The following CDH19 variants were observed in gnomAD, a reference collection of about 807,000 sequenced individuals.
The protein encoded by CDH19 is cadherin 19, also known as cadherin-19.
CDH19 carries 67 observed loss-of-function variants against 64.2 expected under a neutral mutation model. The ratio of observed to expected loss-of-function variants is 1.04; its 90% CI spans 0.86 to 1.28. The LOEUF is 1.28. Ranked by LOEUF, CDH19 falls within the 50% of genes most tolerant of loss-of-function variation. The pLI is 0.00. For missense variants in CDH19, 1,030 were observed against 929.0 expected, an observed-to-expected ratio of 1.11 and a Z score of -1.41; for synonymous variants, 346 against 319.3, an observed-to-expected ratio of 1.08 and a Z score of -0.89.
chr18:66,513,347 T>G (rs551754171), intron 9 of CDH19, among the ~76,000 whole-genome samples: 1 of 151,640 alleles, frequency 6.6e-6, no homozygotes, highest in South Asian at 2.1e-4. Flanking sequence ...ATTTCAACAG[T>G]CTGCCTCCTT....
At chr18:66,570,391 A>T (rs902659189) in intron 2 of CDH19, among the ~76,000 whole-genome samples, 1 of 151,730 alleles carries the variant, frequency 6.6e-6, no homozygotes, top group Admixed American at 6.6e-5. Context: ...ACACATTTCA[A>T]TCAAATGGCC....
rs2144357921 is a variant in CDH19 at position 66,514,357 on chromosome 18, AT to A, written c.1459-2673del. On this transcript the variant is annotated intron_variant, in intron 9 of 11. Coordinates refer to ENST00000262150, the MANE Select transcript of CDH19 (RefSeq NM_021153.4). ...AGTTAGTGACAGAGAAATAAGTAAT[AT>A]AATTTTGTAGAATAAGGACCAAAAA... is the stretch of plus-strand genomic sequence containing the variant. Among the ~76,000 whole-genome samples the A allele has an allele frequency of 2.0e-5, 3 of 151,712 alleles. No homozygotes were observed. The South Asian group carries it at 6.2e-4, about 31-fold the overall frequency.
intron 1 of CDH19, among the ~76,000 whole-genome samples, chr18:66,590,254 T>C (rs527516783): frequency 6.6e-6 from 1 of 152,068 alleles, no homozygotes; most frequent in South Asian, 2.1e-4. Context: ...CATCATCTTG[T>C]CAACCATACT....
intron 1 of CDH19, among the ~76,000 whole-genome samples, chr18:66,587,238 TG>T (rs1407983828): frequency 3.9e-5 from 6 of 152,146 alleles, no homozygotes; most frequent in Admixed American, 3.9e-4. Flanking sequence ...AAATTGCCTG[TG>T]TTAGGAGTGT....
intron 9 of CDH19, among the ~76,000 whole-genome samples, chr18:66,524,294 T>G (rs1171140264): frequency 1.3e-5 from 2 of 152,032 alleles, no homozygotes; most frequent in African/African-American, 4.8e-5. Context: ...TGAAGAAGCC[T>G]GGTCCTTTTT....
chr18:66,564,313 C>T (rs1365165286), intron 3 of CDH19, among the ~76,000 whole-genome samples: 1 of 151,658 alleles, frequency 6.6e-6, no homozygotes. Context: ...ATCTGAAATG[C>T]CAAAATAAGC....
intron 1 of CDH19, among the ~76,000 whole-genome samples, chr18:66,599,039 G>T (rs899256122): frequency 1.3e-3 from 195 of 151,860 alleles, no homozygotes; most frequent in African/African-American, 4.5e-3. Flanking sequence ...TTTCATAAAG[G>T]ATATAATGTA....
chr18:66,544,715 C>T lies in CDH19; in HGVS notation c.960+4G>A. The T allele has an allele frequency of 6.3e-7, 1 of 1,583,362 alleles. No individual in the cohort carries two copies. The highest frequency in any genetic ancestry group is 8.6e-7 in the Non-Finnish European group (1 of 1,159,890). ...TGCAAGGCAAATAATTTTAACATGTCTACCTTTTTTAATATAACTATTCCT... is the reference window on the plus strand; with the variant it reads ...TGCAAGGCAAATAATTTTAACATGTTTACCTTTTTTAATATAACTATTCCT... On this transcript the variant is annotated splice_donor_region_variant and intron_variant, in intron 6 of 11. Transcript: ENST00000262150.
rs1456817924 is a variant in CDH19 at position 66,544,758 on chromosome 18, A to G, written c.921T>C (p.Thr307=). 1.2e-6 allele frequency: 2 copies of G among 1,611,020 alleles called. No homozygotes were observed. The highest frequency in any genetic ancestry group is 1.7e-6 in the Non-Finnish European group (2 of 1,177,994). The change falls in exon 6 of 12, where the codon ACT becomes ACC. Residue 307 remains threonine, a synonymous_variant. Coordinates refer to ENST00000262150, the MANE Select transcript of CDH19 (RefSeq NM_021153.4). ...CTATTCCTTCTTGAGTTTCATGATTAGTAATAATGTCAAATGTTTGCGAAT... is the reference window on the plus strand; with the variant it reads ...CTATTCCTTCTTGAGTTTCATGATTGGTAATAATGTCAAATGTTTGCGAAT... The part of the protein sequence containing the change: ...EDDSQTFDII[T]NHETQEGIVI...
chr18:66,565,632 C>T (rs1987881429), intron 3 of CDH19, among the ~76,000 whole-genome samples: 1 of 151,846 alleles, frequency 6.6e-6, no homozygotes, highest in African/African-American at 2.4e-5. Context: ...TAATTTAATA[C>T]TGAGATTGAG....
At chr18:66,589,764 C>A (rs1002973729) in intron 1 of CDH19, among the ~76,000 whole-genome samples, 1 of 151,702 alleles carries the variant, frequency 6.6e-6, no homozygotes, top group South Asian at 2.1e-4. Context: ...TGTTAATTTG[C>A]CTTTCTTTAT....
intron 3 of CDH19, among the ~76,000 whole-genome samples, chr18:66,566,050 C>A (rs1987897751): frequency 1.3e-5 from 2 of 151,952 alleles, no homozygotes; most frequent in Non-Finnish European, 2.9e-5. Context: ...AGTGGGGCTG[C>A]ACTGATACCA....
At chr18:66,538,296 A>G (rs2144458588) in intron 7 of CDH19, among the ~76,000 whole-genome samples, 1 of 152,168 alleles carries the variant, frequency 6.6e-6, no homozygotes, top group African/African-American at 2.4e-5. Flanking sequence ...TTTGCCTTCA[A>G]TTTTGGGGAT....
chr18:66,571,490 A>T (rs1339329781), intron 2 of CDH19, among the ~76,000 whole-genome samples: 1 of 151,684 alleles, frequency 6.6e-6, no homozygotes, highest in Non-Finnish European at 1.5e-5. Flanking sequence ...CTCATTAAGG[A>T]ATTGTTCTTA....
chr18:66,544,782 ATCATCCTCTTCAATGCTGTAATCCATT>A lies in CDH19; in HGVS notation c.870_896del (p.Glu290_Asp298del). 5 of 1,612,306 alleles carry A rather than the reference ATCATCCTCTTCAATGCTGTAATCCATT, an allele frequency of 3.1e-6. No homozygotes were observed. Among genetic ancestry groups the A allele is most frequent in the Non-Finnish European group, 4.2e-6 (5 of 1,178,554 alleles). On this transcript the variant is annotated inframe_deletion, in exon 6 of 12. Transcript: ENST00000262150. ...TAGTAATAATGTCAAATGTTTGCGA[ATCATCCTCTTCAATGCTGTAATCCATT>A]TCTGCATTCTCTCCTATGTCATTAT...
intron 5 of CDH19, among the ~76,000 whole-genome samples, chr18:66,547,635 C>A (rs1421445872): frequency 6.9e-6 from 1 of 145,814 alleles, no homozygotes; most frequent in African/African-American, 2.5e-5. Context: ...CAGCTGGAAT[C>A]AGGAGTTCAG....
intron 1 of CDH19, among the ~76,000 whole-genome samples, chr18:66,583,700 TA>T (rs1988490605): frequency 6.6e-6 from 1 of 152,038 alleles, no homozygotes; most frequent in African/African-American, 2.4e-5. Context: ...AGCCTAGAAG[TA>T]AGACTGCACA....
At chr18:66,584,289 G>T (rs144492691) in intron 1 of CDH19, among the ~76,000 whole-genome samples, 92 of 152,058 alleles carry the variant, frequency 6.1e-4, no homozygotes, top group Middle Eastern at 3.4e-3. Flanking sequence ...TCAAAAGTAC[G>T]AGATACCATC....
intron 9 of CDH19, among the ~76,000 whole-genome samples, 166 bp downstream of exon 9, chr18:66,529,679 G>GAATAT (rs1434890038): frequency 6.8e-6 from 1 of 146,520 alleles, no homozygotes; most frequent in Non-Finnish European, 1.5e-5. Flanking sequence ...TATATATATT[G>GAATAT]AATATAATAT....
Sources: gnomAD v4.1 joint callset for allele counts (sites outside exome capture counted in the v4.1 genomes callset) on GRCh38, gnomAD v4.1.1 for gene constraint, MANE v1.5 for transcripts, NCBI Gene and HGNC (gene_info 2026-07-23, HGNC 2026-07-21) for gene names.